TPRG1: variants seen among roughly 807,000 people sequenced by gnomAD.
The protein encoded by TPRG1 is tumor protein p63 regulated 1, also known as tumor protein p63-regulated gene 1 protein.
TPRG1 carries 29 observed loss-of-function variants against 29.3 expected under a neutral mutation model. The ratio of observed to expected loss-of-function variants is 0.99; its 90% CI spans 0.74 to 1.35. TPRG1 has a LOEUF of 1.35. Ranked by LOEUF, TPRG1 falls within the 40% of genes most tolerant of loss-of-function variation. The pLI, the probability that TPRG1 is intolerant of heterozygous loss-of-function variation, is 0.00. For missense variants in TPRG1, 327 were observed against 335.0 expected (o/e 0.98, Z 0.19); for synonymous variants, 130 against 116.8 (o/e 1.11, Z -0.73).
chr3:189,069,253 CA>C (rs1218147459), intron 4 of TPRG1, among the ~76,000 whole-genome samples: 2 of 152,134 alleles, frequency 1.3e-5, no homozygotes, highest in Non-Finnish European at 2.9e-5. Flanking sequence ...AAGCCAATTC[CA>C]GAAGTTATAT....
At chr3:189,242,293 T>C (rs917202706) in intron 4 of TPRG1, among the ~76,000 whole-genome samples, 1 of 152,106 alleles carries the variant, frequency 6.6e-6, no homozygotes, top group African/African-American at 2.4e-5. Context: ...CTCAAAATGG[T>C]TTTAATTATT....
chr3:189,145,710 C>G (rs548395695), intron 3 of TPRG1, among the ~76,000 whole-genome samples: 2 of 152,292 alleles, frequency 1.3e-5, no homozygotes, highest in East Asian at 3.9e-4. Flanking sequence ...CTAAAATGAT[C>G]TAGAACTTCT....
intron 1 of TPRG1, among the ~76,000 whole-genome samples, chr3:188,998,119 T>C (rs1295015791): frequency 6.6e-6 from 1 of 150,698 alleles, no homozygotes. Context: ...GTGTTCTTGC[T>C]GCCATGAAAC....
chr3:189,316,118 C>T (rs1723479441), intron 5 of TPRG1, among the ~76,000 whole-genome samples: 1 of 152,070 alleles, frequency 6.6e-6, no homozygotes, highest in African/African-American at 2.4e-5. Context: ...TGTGTGTGTG[C>T]ACATATGTGC....
At chr3:189,264,562 C>T (rs574735906) in intron 4 of TPRG1, among the ~76,000 whole-genome samples, 1 of 152,156 alleles carries the variant, frequency 6.6e-6, no homozygotes, top group South Asian at 2.1e-4. Context: ...TCCTTTCACA[C>T]TTTATTAAAA....
intron 5 of TPRG1, among the ~76,000 whole-genome samples, chr3:189,313,945 A>G (rs1283754768): frequency 6.6e-6 from 1 of 152,246 alleles, no homozygotes; most frequent in Non-Finnish European, 1.5e-5. Context: ...CACTGTAGTT[A>G]TAATGGCTTA....
At chr3:189,270,881 A>G (rs1715010010) in intron 4 of TPRG1, among the ~76,000 whole-genome samples, 1 of 152,164 alleles carries the variant, frequency 6.6e-6, no homozygotes, top group Non-Finnish European at 1.5e-5. Context: ...CTACCATGAG[A>G]CTACTCAAAA....
intron 1 of TPRG1, among the ~76,000 whole-genome samples, chr3:189,100,483 T>C (rs895081081): frequency 1.3e-5 from 2 of 152,210 alleles, no homozygotes; most frequent in Admixed American, 1.3e-4. Context: ...GTTCATGTCT[T>C]GGTTCTAGTA....
chr3:188,998,409 G>A (rs1711895294), intron 1 of TPRG1, among the ~76,000 whole-genome samples: 1 of 152,162 alleles, frequency 6.6e-6, no homozygotes. Flanking sequence ...AGGCCAGTAT[G>A]GCTGGAACAT....
chr3:189,213,856 T>G (rs1468644598), intron 2 of TPRG1, among the ~76,000 whole-genome samples: 6 of 152,182 alleles, frequency 3.9e-5, no homozygotes, highest in Non-Finnish European at 8.8e-5. Flanking sequence ...CACAATTTTC[T>G]TCACACTTTT....
At chr3:189,026,725 AT>A (rs988171269) in intron 4 of TPRG1, among the ~76,000 whole-genome samples, 1 of 152,164 alleles carries the variant, frequency 6.6e-6, no homozygotes. Context: ...GCATCACTTG[AT>A]TTGGGAGGAC....
intron 5 of TPRG1, among the ~76,000 whole-genome samples, chr3:189,158,335 G>A (rs746716234): frequency 5.9e-5 from 9 of 152,244 alleles, no homozygotes; most frequent in East Asian, 1.9e-4. Flanking sequence ...GGGGCTGGGC[G>A]CGGTGGCTCA....
chr3:189,270,193 G>GAA (rs558585437), intron 4 of TPRG1, among the ~76,000 whole-genome samples: 2 of 135,754 alleles, frequency 1.5e-5, no homozygotes, highest in Non-Finnish European at 3.2e-5. Context: ...GCTGAAGAGA[G>GAA]AAAAAAAAAA....
chr3:189,180,948 A>T (rs1195091159), intron 1 of TPRG1, among the ~76,000 whole-genome samples: 1 of 152,190 alleles, frequency 6.6e-6, no homozygotes, highest in Non-Finnish European at 1.5e-5. Flanking sequence ...AAATCTAGGC[A>T]GAGGTTCCCA....
At chr3:189,017,408 T>A (rs1269036217) in intron 3 of TPRG1, among the ~76,000 whole-genome samples, 1 of 151,804 alleles carries the variant, frequency 6.6e-6, no homozygotes, top group Non-Finnish European at 1.5e-5. Flanking sequence ...GTCCCCAGAG[T>A]GTGATGTTCC....
chr3:189,207,971 T>C (rs1010501988), intron 2 of TPRG1, among the ~76,000 whole-genome samples: 2 of 152,140 alleles, frequency 1.3e-5, no homozygotes, highest in Admixed American at 1.3e-4. Context: ...GGAAAAGATA[T>C]GGATAATGGA....
chr3:189,033,130 C>A (rs895581661), intron 4 of TPRG1, among the ~76,000 whole-genome samples: 1 of 152,166 alleles, frequency 6.6e-6, no homozygotes, highest in African/African-American at 2.4e-5. Flanking sequence ...CATTTTGGAC[C>A]AGAACTTATC....
chr3:189,026,605 G>A (rs1399117091), intron 4 of TPRG1, among the ~76,000 whole-genome samples: 3 of 152,192 alleles, frequency 2.0e-5, no homozygotes, highest in African/African-American at 7.2e-5. Flanking sequence ...GGCAAGTAGG[G>A]TTTAAGCTTA....
At position 189,310,671 on chromosome 3, in the gene TPRG1, A is replaced by G. The variant is rs1722342743; in HGVS notation, c.633+132A>G. The G allele has an allele frequency of 4.3e-6, 2 of 466,066 alleles. 1 individual carries two copies. Among genetic ancestry groups the G allele is most frequent in the Non-Finnish European group, 6.5e-6 (2 of 308,520 alleles). 28.9% of individuals were successfully genotyped at this position (466,066 alleles called of 1,614,324 possible). On this transcript the variant is annotated intron_variant, in intron 5 of 5. Coordinates refer to ENST00000345063, the MANE Select transcript of TPRG1 (RefSeq NM_198485.4). Reference sequence around the variant, plus strand: ...AAATAAAATAAAATAAAATAAAACCAGCAATTTATATAGACAAAAACGGTA... The same window carrying G: ...AAATAAAATAAAATAAAATAAAACCGGCAATTTATATAGACAAAAACGGTA...
Sources: gnomAD v4.1 joint callset for allele counts (sites outside exome capture counted in the v4.1 genomes callset) on GRCh38, gnomAD v4.1.1 for gene constraint, MANE v1.5 for transcripts, NCBI Gene and HGNC (gene_info 2026-07-23, HGNC 2026-07-21) for gene names.